GTF2E2: variants seen among roughly 807,000 people sequenced by gnomAD.
The protein encoded by GTF2E2 is general transcription factor IIE subunit 2.
Under a neutral mutation model 40.5 loss-of-function variants are expected in GTF2E2, and 21 were observed. That is an observed-to-expected ratio of 0.52 (90% confidence interval 0.37 to 0.75). The LOEUF is 0.75. GTF2E2 is among the 30% of genes least tolerant of loss of function. GTF2E2 has a pLI of 0.00. For missense variants in GTF2E2, 298 were observed against 338.4 expected, an observed-to-expected ratio of 0.88 and a Z score of 0.94; for synonymous variants, 117 against 121.6, an observed-to-expected ratio of 0.96 and a Z score of 0.25.
intron 6 of GTF2E2, 39 bp downstream of exon 6, chr8:30,607,018 A>G (rs1829333890): frequency 4.1e-6 from 3 of 731,472 alleles, no homozygotes; most frequent in Non-Finnish European, 7.0e-6. Context: ...TAAAATTGTA[A>G]TATACTTGCA....
rs956064278 is a variant in GTF2E2 at position 30,612,468 on chromosome 8, T to C, written c.380A>G (p.Asn127Ser). The change falls in exon 5 of 8, where the codon AAT (asparagine) becomes AGT (serine). Residue 127 changes from asparagine to serine, a missense_variant. Asn to Ser is a conservative substitution (Grantham distance 46). Transcript: ENST00000355904. ...CCCATCTATTACTTCAATTTTGGGA[T>C]TGTTGACTAAAGCCTGTAACAGTGA... The part of the protein sequence containing the change: ...QWLMTEALVN[N>S]PKIEVIDGKY... The C allele has an allele frequency of 1.9e-6, 3 of 1,604,682 alleles. No individual in the cohort carries two copies. The highest frequency in any genetic ancestry group is 2.7e-5 in the African/African-American group (2 of 74,716).
chr8:30,617,465 G>A (rs983623513), intron 3 of GTF2E2, among the ~76,000 whole-genome samples: 4 of 152,114 alleles, frequency 2.6e-5, no homozygotes, highest in African/African-American at 7.2e-5. Context: ...AGATATGGCC[G>A]GGCATAGTGG....
At chr8:30,581,244 C>T (rs1828508315) in intron 6 of GTF2E2, among the ~76,000 whole-genome samples, 1 of 152,154 alleles carries the variant, frequency 6.6e-6, no homozygotes, top group Admixed American at 6.5e-5. Flanking sequence ...TCACAACTGC[C>T]CCACGCACTG....
At chr8:30,612,550 G>A (rs1417846333) in intron 4 of GTF2E2, 69 bp from the exon 5 acceptor site, 5 of 930,970 alleles carry the variant, frequency 5.4e-6, no homozygotes, top group African/African-American at 3.4e-5. Flanking sequence ...TTTTTGAAAC[G>A]TAATCTTGCT....
chr8:30,645,841 T>C, intron 2 of GTF2E2: 1 of 391,332 alleles, frequency 2.6e-6, no homozygotes, highest in Non-Finnish European at 4.5e-6. Context: ...CTTCAAAAAC[T>C]GGATAAAAGA....
chr8:30,631,961 T>C (rs997541536), intron 3 of GTF2E2, among the ~76,000 whole-genome samples: 1 of 151,906 alleles, frequency 6.6e-6, no homozygotes, highest in Non-Finnish European at 1.5e-5. Flanking sequence ...AATACAAAAA[T>C]TAGCCAGGCA....
chr8:30,645,566 A>C, intron 2 of GTF2E2: 3 of 1,535,682 alleles, frequency 2.0e-6, no homozygotes, highest in Non-Finnish European at 2.6e-6. Flanking sequence ...ATGATGGACA[A>C]CATCAGAAAA....
intron 2 of GTF2E2, chr8:30,645,534 T>G: frequency 6.5e-7 from 1 of 1,535,652 alleles, no homozygotes; most frequent in South Asian, 1.2e-5. Flanking sequence ...ACTTGAAAAG[T>G]GAACCCAACC....
chr8:30,656,560 G>A (rs1022936885), intron 1 of GTF2E2, among the ~76,000 whole-genome samples: 3 of 152,192 alleles, frequency 2.0e-5, no homozygotes, highest in Non-Finnish European at 4.4e-5. Flanking sequence ...TGTAATCCCA[G>A]CACTTTGGGA....
intron 3 of GTF2E2, among the ~76,000 whole-genome samples, chr8:30,623,218 C>T (rs569617530): frequency 1.3e-5 from 2 of 152,254 alleles, no homozygotes; most frequent in Non-Finnish European, 2.9e-5. Flanking sequence ...GTCGGTCCCT[C>T]CATTTGGGGT....
At chr8:30,631,935 C>T (rs1167242361) in intron 3 of GTF2E2, among the ~76,000 whole-genome samples, 1 of 152,082 alleles carries the variant, frequency 6.6e-6, no homozygotes, top group African/African-American at 2.4e-5. Context: ...CTGAGAGACC[C>T]TGTCTCTACA....
At chr8:30,608,772 C>G (rs990121749) in intron 5 of GTF2E2, among the ~76,000 whole-genome samples, 2 of 152,142 alleles carry the variant, frequency 1.3e-5, no homozygotes, top group Non-Finnish European at 2.9e-5. Flanking sequence ...TGTTTTGAGA[C>G]GGAGTCTCAC....
chr8:30,608,292 T>C (rs1477164023), intron 5 of GTF2E2, among the ~76,000 whole-genome samples: 2 of 152,168 alleles, frequency 1.3e-5, no homozygotes, highest in African/African-American at 4.8e-5. Context: ...TGCTTCTCAA[T>C]ACAAAATGGA....
chr8:30,593,650 C>T (rs1828910924), intron 6 of GTF2E2, among the ~76,000 whole-genome samples: 1 of 152,142 alleles, frequency 6.6e-6, no homozygotes, highest in Non-Finnish European at 1.5e-5. Flanking sequence ...GTGCACACCA[C>T]CACACCAGGC....
intron 6 of GTF2E2, among the ~76,000 whole-genome samples, chr8:30,587,452 T>G (rs761093824): frequency 3.1e-5 from 4 of 128,690 alleles, no homozygotes; most frequent in Non-Finnish European, 6.4e-5. Context: ...TCCATATATA[T>G]GGAACTCAAA....
At chr8:30,605,381 T>C (rs1829291416) in intron 6 of GTF2E2, among the ~76,000 whole-genome samples, 1 of 151,602 alleles carries the variant, frequency 6.6e-6, no homozygotes, top group Non-Finnish European at 1.5e-5. Flanking sequence ...CAAGAAACAA[T>C]AGCATAAGCA....
chr8:30,607,951 C>T (rs959452898), intron 5 of GTF2E2, among the ~76,000 whole-genome samples: 2 of 152,190 alleles, frequency 1.3e-5, no homozygotes, highest in Admixed American at 6.5e-5. Flanking sequence ...CTTCAGTTTT[C>T]TTACTGCATT....
Position 30,619,232 on chromosome 8 carries a change from GC to G in GTF2E2, c.259-4518del, listed in dbSNP as rs1301368324. On this transcript the variant is annotated intron_variant, in intron 3 of 7. Transcript: ENST00000355904. ...TGGGATTACAGGCATGAGCCACCGTGCCCAGTCTACTTCAATAGTTTTACAG... is the reference window on the plus strand; with the variant it reads ...TGGGATTACAGGCATGAGCCACCGTGCCAGTCTACTTCAATAGTTTTACAG... Among the ~76,000 whole-genome samples, 44 of 152,158 alleles carry G rather than the reference GC, an allele frequency of 2.9e-4. No homozygotes were observed. The Middle Eastern group carries it at 0.017, about 59-fold the overall frequency.
chr8:30,638,038 G>A (rs963979118), intron 2 of GTF2E2, among the ~76,000 whole-genome samples: 2 of 152,184 alleles, frequency 1.3e-5, no homozygotes, highest in African/African-American at 4.8e-5. Flanking sequence ...TGCAGGTAGT[G>A]TATTTACCTA....
Sources: allele counts gnomAD v4.1 joint callset (sites outside exome capture counted in the v4.1 genomes callset), GRCh38; gene constraint gnomAD v4.1.1; transcripts MANE v1.5; gene names NCBI Gene and HGNC (gene_info 2026-07-23, HGNC 2026-07-21).